The following ST6GAL1 variants were observed in gnomAD, a reference collection of about 807,000 sequenced individuals.
ST6GAL1 encodes the protein beta-galactoside alpha-2,6-sialyltransferase 1.
ST6GAL1 carries 20 observed loss-of-function variants against 38.0 expected under a neutral mutation model. That is an observed-to-expected ratio of 0.53 (90% confidence interval 0.37 to 0.77). The LOEUF is 0.77. ST6GAL1 is among the 30% of genes least tolerant of loss of function. ST6GAL1 has a pLI of 0.00. For synonymous variants in ST6GAL1, 196 were observed against 188.2 expected, an observed-to-expected ratio of 1.04 and a Z score of -0.34; for missense variants, 432 against 496.4, an observed-to-expected ratio of 0.87 and a Z score of 1.23.
Position 187,042,680 on chromosome 3 carries a change from G to T in ST6GAL1, c.-24G>T. 2.6e-6 allele frequency: 4 copies of T among 1,565,828 alleles called. No individual in the cohort carries two copies. The South Asian group carries it at 3.6e-5, about 14-fold the overall frequency. The stretch of plus-strand genomic sequence containing the variant: ...CTTGTTTTCCTGCTCAGAACAAAGT[G>T]ACTTCCCTGAACACATCTTCATTAT... On this transcript the variant is annotated 5_prime_UTR_variant, in exon 4 of 8. Coordinates refer to ENST00000169298, the MANE Select transcript of ST6GAL1 (RefSeq NM_173216.2).
chr3:187,032,073 G>A (rs1015599814), intron 2 of ST6GAL1, among the ~76,000 whole-genome samples: 1 of 152,204 alleles, frequency 6.6e-6, no homozygotes, highest in African/African-American at 2.4e-5. Context: ...GATCAGTAGT[G>A]CTGCTATCTC....
intron 5 of ST6GAL1, among the ~76,000 whole-genome samples, chr3:187,069,135 C>T (rs1000140966): frequency 6.9e-6 from 1 of 144,954 alleles, no homozygotes; most frequent in Non-Finnish European, 1.5e-5. Context: ...TGAACTTCTT[C>T]TTTTTTTTTT....
intron 2 of ST6GAL1, among the ~76,000 whole-genome samples, chr3:186,988,288 G>A (rs1039580269): frequency 6.6e-6 from 1 of 152,054 alleles, no homozygotes; most frequent in African/African-American, 2.4e-5. Flanking sequence ...GTCTCTAACG[G>A]GTGCTAATTT....
At position 187,043,216 on chromosome 3, in the gene ST6GAL1, G is replaced by A; in HGVS notation, c.513G>A (p.Lys171=). Reference sequence around the variant, plus strand: ...CTGAATGGGAGGGTTATCTGCCCAAGGAGAGCATTAGGACCAAGGCTGGGC... The same window carrying A: ...CTGAATGGGAGGGTTATCTGCCCAAAGAGAGCATTAGGACCAAGGCTGGGC... ...NTSEWEGYLP[K]ESIRTKAGPW... The change falls in exon 4 of 8, where the codon AAG becomes AAA. Residue 171 remains lysine, a synonymous_variant. Transcript: ENST00000169298. The A allele has an allele frequency of 6.2e-7, 1 of 1,614,204 alleles. No individual in the cohort carries two copies. Among genetic ancestry groups the A allele is most frequent in the Admixed American group, 1.7e-5 (1 of 60,026 alleles).
chr3:186,942,550 C>A (rs770340995), intron 1 of ST6GAL1: 3 of 152,110 alleles, frequency 2.0e-5, no homozygotes, highest in Non-Finnish European at 4.4e-5. Flanking sequence ...TACAACCTCT[C>A]GATGGTCCTC....
intron 1 of ST6GAL1, among the ~76,000 whole-genome samples, chr3:186,960,618 G>C (rs144262777): frequency 1.1e-3 from 160 of 152,152 alleles, no homozygotes; most frequent in Non-Finnish European, 1.8e-3. Flanking sequence ...TGAATCTGCA[G>C]TGCTGAGTAT....
At chr3:187,017,747 C>T (rs1717164064) in intron 2 of ST6GAL1, among the ~76,000 whole-genome samples, 1 of 152,166 alleles carries the variant, frequency 6.6e-6, no homozygotes, top group African/African-American at 2.4e-5. Context: ...TTCCTCCTGC[C>T]CAGATTGATA....
rs560934756 is a variant in ST6GAL1 at position 186,980,909 on chromosome 3, G to A, written c.-183+16983G>A. Among the ~76,000 whole-genome samples, 31 of 152,314 alleles carry A rather than the reference G, an allele frequency of 2.0e-4. No homozygotes were observed. In the South Asian group the frequency reaches 6.4e-3, roughly 32 times the overall value. On this transcript the variant is annotated intron_variant, in intron 2 of 7. Coordinates refer to ENST00000169298, the MANE Select transcript of ST6GAL1 (RefSeq NM_173216.2). ...CCTGTCACTAGTGGTCAAGCAATCA[G>A]TGCCATCACGTGTTGGGTGTGATGG...
chr3:186,972,441 G>C (rs1369905905), intron 2 of ST6GAL1, among the ~76,000 whole-genome samples: 1 of 152,022 alleles, frequency 6.6e-6, no homozygotes, highest in East Asian at 1.9e-4. Flanking sequence ...GTAGAGACAG[G>C]GTTTTGCCAT....
intron 2 of ST6GAL1, among the ~76,000 whole-genome samples, chr3:187,003,225 T>C (rs1716679662): frequency 6.6e-6 from 1 of 152,204 alleles, no homozygotes; most frequent in South Asian, 2.1e-4. Flanking sequence ...CTCAAGGCAG[T>C]CAGACAGGAG....
At chr3:186,934,664 T>G (rs1579248397) in intron 1 of ST6GAL1, among the ~76,000 whole-genome samples, 1 of 152,202 alleles carries the variant, frequency 6.6e-6, no homozygotes, top group East Asian at 1.9e-4. Context: ...CTGGGGTTGT[T>G]GAGGGCATTA....
chr3:186,938,814 G>C (rs1194319018), intron 1 of ST6GAL1, among the ~76,000 whole-genome samples: 2 of 152,162 alleles, frequency 1.3e-5, no homozygotes, highest in East Asian at 3.8e-4. Context: ...TAACCCCATG[G>C]TCAACCCCAG....
intron 3 of ST6GAL1, among the ~76,000 whole-genome samples, chr3:187,039,515 C>T (rs1718056690): frequency 6.6e-6 from 1 of 152,284 alleles, no homozygotes; most frequent in Non-Finnish European, 1.5e-5. Context: ...AGGTGGCCTC[C>T]ACTGACCTTC....
At chr3:186,947,169 T>G (rs979394025) in intron 1 of ST6GAL1, among the ~76,000 whole-genome samples, 1 of 152,210 alleles carries the variant, frequency 6.6e-6, no homozygotes, top group Non-Finnish European at 1.5e-5. Context: ...CACAGCACAC[T>G]AGATACTACA....
At chr3:187,022,591 G>A (rs1156969748) in intron 2 of ST6GAL1, among the ~76,000 whole-genome samples, 4 of 152,028 alleles carry the variant, frequency 2.6e-5, no homozygotes, top group African/African-American at 7.2e-5. Flanking sequence ...AGACCTTTGG[G>A]TGTCTGACTC....
At chr3:187,055,927 T>C (rs1307801712) in intron 5 of ST6GAL1, among the ~76,000 whole-genome samples, 2 of 152,148 alleles carry the variant, frequency 1.3e-5, no homozygotes, top group African/African-American at 2.4e-5. Flanking sequence ...CCTATTATTA[T>C]TGTGTGGGAG....
intron 1 of ST6GAL1, among the ~76,000 whole-genome samples, chr3:186,950,137 G>C (rs1345374246): frequency 6.6e-6 from 1 of 152,156 alleles, no homozygotes; most frequent in Non-Finnish European, 1.5e-5. Context: ...GGAGGCAGGG[G>C]CAGAGAAGGC....
intron 2 of ST6GAL1, among the ~76,000 whole-genome samples, chr3:187,033,171 T>C (rs1717811558): frequency 1.3e-5 from 2 of 152,338 alleles, no homozygotes; most frequent in South Asian, 4.1e-4. Flanking sequence ...CCTAGCACTT[T>C]GGGAGGCCGA....
intron 1 of ST6GAL1, chr3:186,931,382 A>G (rs1210028289): frequency 2.0e-5 from 3 of 152,308 alleles, no homozygotes; most frequent in African/African-American, 7.2e-5. Context: ...AGGGCGAGAG[A>G]GACATTTAAA....
Sources: gnomAD v4.1 joint callset for allele counts (sites outside exome capture counted in the v4.1 genomes callset) on GRCh38, gnomAD v4.1.1 for gene constraint, MANE v1.5 for transcripts, NCBI Gene and HGNC (gene_info 2026-07-23, HGNC 2026-07-21) for gene names.